POLR3A: variants seen among roughly 807,000 people sequenced by gnomAD.
POLR3A encodes DNA-directed RNA polymerase III subunit RPC1.
A neutral mutation model predicts 152.8 loss-of-function variants in POLR3A; 112 were observed. That is an observed-to-expected ratio of 0.73 (90% CI 0.63 to 0.86). The LOEUF (loss-of-function observed/expected upper bound fraction) is 0.86. Among genes scored for constraint, POLR3A ranks in the 40% least tolerant of loss-of-function variants. POLR3A has a pLI of 0.00. For synonymous variants in POLR3A, 615 were observed against 652.1 expected, an observed-to-expected ratio of 0.94 and a Z score of 0.87; for missense variants, 1,385 against 1,743.1, an observed-to-expected ratio of 0.79 and a Z score of 3.66.
chr10:78,010,544 T>C lies in POLR3A; in HGVS notation c.1573-4A>G. 6.2e-7 allele frequency: 1 copy of C among 1,612,462 alleles called. No homozygotes were observed. The highest frequency in any genetic ancestry group is 8.5e-7 in the Non-Finnish European group (1 of 1,178,464). On this transcript the variant is annotated splice_polypyrimidine_tract_variant and splice_region_variant and intron_variant, in intron 11 of 30. Transcript: ENST00000372371. The stretch of plus-strand genomic sequence containing the variant: ...GGGTTACAAGATTTGCTTTAGTCTG[T>C]AGGAAAAGTAAGCGCAGTCAGTTAG...
chr10:78,007,472 C>A (rs1847422232), intron 15 of POLR3A, among the ~76,000 whole-genome samples: 1 of 152,164 alleles, frequency 6.6e-6, no homozygotes, highest in South Asian at 2.1e-4. Context: ...GGAGCTACTG[C>A]TGGTTTTGAG....
chr10:77,984,458 C>T (rs1406956325), intron 24 of POLR3A, among the ~76,000 whole-genome samples, 160 bp from the exon 25 acceptor site: 1 of 152,196 alleles, frequency 6.6e-6, no homozygotes, highest in Non-Finnish European at 1.5e-5. Context: ...ATTCTCCTGC[C>T]TCAGCCTCTG....
At position 78,021,973 on chromosome 10, in the gene POLR3A, A is replaced by T; in HGVS notation, c.935T>A (p.Phe312Tyr). 1 of 1,614,196 alleles carries T rather than the reference A, an allele frequency of 6.2e-7. No individual in the cohort carries two copies. The highest frequency in any genetic ancestry group is 8.5e-7 in the Non-Finnish European group (1 of 1,180,034). The change falls in exon 7 of 31, where the codon TTC (phenylalanine) becomes TAC (tyrosine). Residue 312 changes from phenylalanine to tyrosine, a missense_variant. By Grantham distance (22) the Phe-to-Tyr change is conservative (BLOSUM62 3). Around this residue, in one of 7 missense-constraint regions of POLR3A, gnomAD observed 493 missense variants for 647.5 expected, o/e 0.76. Transcript: ENST00000372371. ...GTAGAGGGCACACTGCAGCTGCAGG[A>T]AATCCCAGTCCTCCATGATCATCTG... ...KTQMIMEDWD[F>Y]LQLQCALYIN...
chr10:78,002,310 T>C lies in POLR3A; in HGVS notation c.2248-2A>G, dbSNP rs756673844. ...AGACAGCTCCTTCAGGATCAGTGCC[T>C]AGTGGGAGAAAAGGAGATCCTTGGT... is the stretch of plus-strand genomic sequence containing the variant. On this transcript the variant is annotated splice_acceptor_variant, in intron 16 of 30. Coordinates refer to ENST00000372371, the MANE Select transcript of POLR3A (RefSeq NM_007055.4). LOFTEE classifies it high-confidence loss of function. 4 of 1,574,490 alleles carry C rather than the reference T, an allele frequency of 2.5e-6. No individual in the cohort carries two copies. The highest frequency in any genetic ancestry group is 1.7e-6 in the Non-Finnish European group (2 of 1,154,016).
chr10:78,000,087 C>T lies in POLR3A; in HGVS notation c.2510G>A (p.Ser837Asn). 6.2e-7 allele frequency: 1 copy of T among 1,614,054 alleles called. No individual in the cohort carries two copies. Among genetic ancestry groups the T allele is most frequent in the Non-Finnish European group, 8.5e-7 (1 of 1,179,990 alleles). The change falls in exon 19 of 31, where the codon AGC becomes AAC. Residue 837 changes from serine (S) to asparagine (N), a missense_variant. Around this residue, in one of 7 missense-constraint regions of POLR3A, gnomAD observed 170 missense variants for 231.2 expected, o/e 0.74. Transcript: ENST00000372371. Reference protein sequence around the residue: ...LPAAKGFVANSFYSGLTPTEF... With the variant: ...LPAAKGFVANNFYSGLTPTEF... ...AGTTGGTGTCAAACCGGAATAAAAGCTATTAGCCACAAAGCCTTTGGCAGC... is the reference window on the plus strand; with the variant it reads ...AGTTGGTGTCAAACCGGAATAAAAGTTATTAGCCACAAAGCCTTTGGCAGC...
chr10:77,980,046 C>T, intron 30 of POLR3A, 95 bp downstream of exon 30: 1 of 1,110,778 alleles, frequency 9.0e-7, no homozygotes, highest in Admixed American at 1.7e-5. Flanking sequence ...AAACGCTCTG[C>T]CACTCAGTTT....
Position 77,975,258 on chromosome 10 carries a change from T to C in POLR3A, c.*2220A>G, listed in dbSNP as rs1231039315. 1 of 152,238 alleles carries C rather than the reference T, an allele frequency of 6.6e-6. No individual in the cohort carries two copies. The highest frequency in any genetic ancestry group is 2.4e-5 in the African/African-American group (1 of 41,468). The allele number at this position is 152,238 out of a possible 1,614,324, so 9.4% of individuals were successfully genotyped here. On this transcript the variant is annotated 3_prime_UTR_variant, in exon 31 of 31. Transcript: ENST00000372371. Reference sequence around the variant, plus strand: ...ATGTGCTGCTACCTGGCCTTTGAGCTCTGTGCTGGCATAAAGCCCAAGGCC... The same window carrying C: ...ATGTGCTGCTACCTGGCCTTTGAGCCCTGTGCTGGCATAAAGCCCAAGGCC...
At position 77,995,423 on chromosome 10, in the gene POLR3A, G is replaced by A. The variant is rs568556411; in HGVS notation, c.2617-2056C>T. 4.6e-3 allele frequency among the ~76,000 whole-genome samples: 697 copies of A among 152,248 alleles called. 2 individuals are homozygous for A. Among genetic ancestry groups the A allele is most frequent in the Non-Finnish European group, 6.9e-3 (471 of 68,024 alleles). ...GCTGTATTCAGGAAATGCATCTCACGTGCAGAGACACACATAGGCTCAAAA... is the reference window on the plus strand; with the variant it reads ...GCTGTATTCAGGAAATGCATCTCACATGCAGAGACACACATAGGCTCAAAA... On this transcript the variant is annotated intron_variant, in intron 19 of 30. Transcript: ENST00000372371.
chr10:78,017,275 A>G (rs1257899437), intron 10 of POLR3A, among the ~76,000 whole-genome samples: 1 of 151,792 alleles, frequency 6.6e-6, no homozygotes, highest in Non-Finnish European at 1.5e-5. Flanking sequence ...AAAACCAAAA[A>G]CAAAAAACAA....
chr10:78,026,785 G>T (rs532307388), intron 1 of POLR3A, among the ~76,000 whole-genome samples: 8 of 152,102 alleles, frequency 5.3e-5, no homozygotes, highest in African/African-American at 1.9e-4. Context: ...ATCTCTATAG[G>T]CCAGCTACTG....
At chr10:78,022,114 T>C (rs1005353195) in intron 6 of POLR3A, 31 bp downstream of exon 6, 1 of 1,614,172 alleles carries the variant, frequency 6.2e-7, no homozygotes, top group East Asian at 2.2e-5. Context: ...AGATATACTA[T>C]GAAACTTACA....
intron 8 of POLR3A, among the ~76,000 whole-genome samples, chr10:78,021,262 C>T (rs966709216): frequency 2.6e-5 from 4 of 152,068 alleles, no homozygotes; most frequent in African/African-American, 7.2e-5. Flanking sequence ...CCACCATGCT[C>T]GGTCAAGATG....
intron 11 of POLR3A, among the ~76,000 whole-genome samples, chr10:78,012,871 G>A (rs933555106): frequency 2.0e-5 from 3 of 152,108 alleles, no homozygotes; most frequent in Non-Finnish European, 2.9e-5. Flanking sequence ...ACAGGCGTGC[G>A]CCACCACACC....
chr10:77,999,213 G>A (rs548978058), intron 19 of POLR3A, among the ~76,000 whole-genome samples: 1 of 152,172 alleles, frequency 6.6e-6, no homozygotes, highest in East Asian at 1.9e-4. Flanking sequence ...ATGAGTTAAT[G>A]GGTACAGCAC....
rs908337899 is a variant in POLR3A, at chr10:77,984,232, C to T, written c.3309G>A (p.Gly1103=). The change falls in exon 25 of 31, where the codon GGG becomes GGA. Residue 1103 remains glycine, a synonymous_variant. Transcript: ENST00000372371. The stretch of plus-strand genomic sequence containing the variant: ...CTCCCAAGAGGGTTTTCTCAATTCT[C>T]CCTTTCACGAGGCGAGCATAATCCG... ...DDADYARLVK[G]RIEKTLLGEI... 20 of 1,611,576 alleles carry T rather than the reference C, an allele frequency of 1.2e-5. No homozygotes were observed. The highest frequency in any genetic ancestry group is 1.5e-5 in the Non-Finnish European group (18 of 1,177,972).
At chr10:78,021,009 C>T (rs1267698972) in intron 8 of POLR3A, among the ~76,000 whole-genome samples, 1 of 152,026 alleles carries the variant, frequency 6.6e-6, no homozygotes, top group Non-Finnish European at 1.5e-5. Flanking sequence ...TCACTCTCAC[C>T]CAGGCTAGAG....
chr10:77,999,886 A>C (rs1009378110), intron 19 of POLR3A, 95 bp downstream of exon 19: 6 of 1,252,816 alleles, frequency 4.8e-6, no homozygotes, highest in Non-Finnish European at 7.0e-6. Context: ...AGACTAGATA[A>C]ATTACAGCTC....
chr10:77,982,882 C>T, intron 26 of POLR3A, 65 bp from the exon 27 acceptor site: 3 of 1,511,310 alleles, frequency 2.0e-6, no homozygotes, highest in African/African-American at 1.4e-5. Flanking sequence ...TTCATTGTTG[C>T]CCCTCTAAGA....
At chr10:78,009,274 TC>T (rs2131948970) in intron 14 of POLR3A, among the ~76,000 whole-genome samples, 1 of 150,104 alleles carries the variant, frequency 6.7e-6, no homozygotes, top group East Asian at 2.0e-4. Flanking sequence ...GAAAAACTAG[TC>T]ACTTAAGACA....
Sources: gnomAD v4.1 joint callset for allele counts (sites outside exome capture counted in the v4.1 genomes callset) on GRCh38, gnomAD v4.1.1 for gene constraint, gnomAD v4.1.1 regional missense constraint, MANE v1.5 for transcripts, NCBI Gene and HGNC (gene_info 2026-07-23, HGNC 2026-07-21) for gene names.